The following VEPH1 variants were observed in gnomAD, a reference collection of about 807,000 sequenced individuals.
VEPH1 encodes the protein ventricular zone expressed PH domain containing 1.
Under a neutral mutation model 85.2 loss-of-function variants are expected in VEPH1, and 80 were observed. The observed-to-expected ratio is 0.94, with a 90% confidence interval of 0.78 to 1.13. The LOEUF (loss-of-function observed/expected upper bound fraction) is 1.13. VEPH1 is among the 50% of genes most tolerant of loss of function. VEPH1 has a pLI of 0.00. For missense variants in VEPH1, 955 were observed against 980.5 expected, an observed-to-expected ratio of 0.97 and a Z score of 0.35; for synonymous variants, 297 against 348.0, an observed-to-expected ratio of 0.85 and a Z score of 1.63.
chr3:157,396,862 A>G (rs1441615785), intron 6 of VEPH1, among the ~76,000 whole-genome samples: 3 of 152,076 alleles, frequency 2.0e-5, no homozygotes, highest in Non-Finnish European at 4.4e-5. Context: ...TCAGACGGAT[A>G]GATTGCAAAA....
Position 157,500,305 on chromosome 3 carries a change from G to A in VEPH1, c.-158+2972C>T, listed in dbSNP as rs557376411. Among the ~76,000 whole-genome samples the A allele has an allele frequency of 8.5e-5, 13 of 152,304 alleles. No individual in the cohort carries two copies. The East Asian group carries it at 2.5e-3, about 29-fold the overall frequency. ...CTCGACCCCTAAGTCGTCTGTTCCT[G>A]TGGTAGATCTATAGCTATATCAAAT... On this transcript the variant is annotated intron_variant, in intron 1 of 13. Transcript: ENST00000362010.
At chr3:157,284,020 A>G (rs376462483) in intron 12 of VEPH1, among the ~76,000 whole-genome samples, 2 of 152,182 alleles carry the variant, frequency 1.3e-5, no homozygotes, top group African/African-American at 4.8e-5. Context: ...CAGGCAGGTA[A>G]GTGGATCAAG....
Position 157,286,614 on chromosome 3 carries a change from T to G in VEPH1, c.2071A>C (p.Ser691Arg), listed in dbSNP as rs984551424. 6.2e-7 allele frequency: 1 copy of G among 1,614,044 alleles called. No homozygotes were observed. The highest frequency in any genetic ancestry group is 1.3e-5 in the African/African-American group (1 of 74,934). The change falls in exon 12 of 14, where the codon AGT (serine) becomes CGT (arginine). Residue 691 changes from serine (S) to arginine (R), a missense_variant. Ser to Arg is a moderately radical substitution (Grantham distance 110). Transcript: ENST00000362010. Reference sequence around the variant, plus strand: ...CATTGCCATGCTCCTGCTGTTTCACTGAAGCCAAACACGTCAAAGAACCTC... The same window carrying G: ...CATTGCCATGCTCCTGCTGTTTCACGGAAGCCAAACACGTCAAAGAACCTC... ...EVRFFDVFGF[S>R]ETAGAWQCFM...
intron 12 of VEPH1, among the ~76,000 whole-genome samples, chr3:157,273,257 A>C (rs1042452479): frequency 4.6e-5 from 7 of 152,264 alleles, no homozygotes; most frequent in African/African-American, 1.4e-4. Context: ...GTTACCATGC[A>C]CTAGGCACAT....
At chr3:157,286,283 T>C (rs1420987943) in intron 12 of VEPH1, 3 of 375,186 alleles carry the variant, frequency 8.0e-6, no homozygotes, top group Non-Finnish European at 1.5e-5. Context: ...GTCATCTGGA[T>C]GAAATGAATA....
intron 9 of VEPH1, among the ~76,000 whole-genome samples, chr3:157,327,217 A>G (rs1577348793): frequency 6.6e-6 from 1 of 152,146 alleles, no homozygotes; most frequent in Non-Finnish European, 1.5e-5. Context: ...GCTTTCCACC[A>G]CCACAAGGGA....
At chr3:157,353,063 C>T (rs1360156901) in intron 9 of VEPH1, among the ~76,000 whole-genome samples, 1 of 152,056 alleles carries the variant, frequency 6.6e-6, no homozygotes, top group Non-Finnish European at 1.5e-5. Context: ...TCAGAATTGC[C>T]CTGCAGCAGA....
chr3:157,262,296 TTC>T (rs1256158268), intron 13 of VEPH1, among the ~76,000 whole-genome samples: 1 of 152,184 alleles, frequency 6.6e-6, no homozygotes, highest in African/African-American at 2.4e-5. Context: ...GAGATACATT[TTC>T]AATAATATTT....
chr3:157,401,293 A>G (rs1482288374), intron 6 of VEPH1, among the ~76,000 whole-genome samples: 1 of 152,176 alleles, frequency 6.6e-6, no homozygotes, highest in African/African-American at 2.4e-5. Context: ...ACTTTTTGCC[A>G]GGAAAAAAGT....
chr3:157,483,123 T>TAC (rs60205276), intron 2 of VEPH1, among the ~76,000 whole-genome samples: 11,245 of 146,942 alleles, frequency 0.077, 625 homozygotes, highest in East Asian at 0.21. Context: ...TTTAAAAGCA[T>TAC]ACACACACAC....
At chr3:157,486,879 G>A (rs1438140271) in intron 2 of VEPH1, among the ~76,000 whole-genome samples, 1 of 152,044 alleles carries the variant, frequency 6.6e-6, no homozygotes, top group Non-Finnish European at 1.5e-5. Flanking sequence ...ACAACAAAAA[G>A]ATTATAAAAA....
intron 7 of VEPH1, among the ~76,000 whole-genome samples, chr3:157,376,118 C>A (rs1208598447): frequency 6.6e-6 from 1 of 152,070 alleles, no homozygotes; most frequent in Non-Finnish European, 1.5e-5. Context: ...CCATCATCAT[C>A]CTCTCTCCCT....
intron 11 of VEPH1, among the ~76,000 whole-genome samples, chr3:157,297,840 AT>A (rs1718322845): frequency 6.6e-6 from 1 of 152,210 alleles, no homozygotes; most frequent in Non-Finnish European, 1.5e-5. Context: ...AAAAAGGGAC[AT>A]TAGTGAAGAG....
At chr3:157,439,465 A>T (rs1236792114) in intron 4 of VEPH1, among the ~76,000 whole-genome samples, 4 of 152,212 alleles carry the variant, frequency 2.6e-5, no homozygotes, top group African/African-American at 9.7e-5. Context: ...TTTGATAATC[A>T]GAAAAACCTA....
At chr3:157,305,169 G>A (rs1276892474) in intron 11 of VEPH1, among the ~76,000 whole-genome samples, 4 of 143,534 alleles carry the variant, frequency 2.8e-5, no homozygotes, top group African/African-American at 1.0e-4. Context: ...GAGTGCAGTG[G>A]CGGGATCTCG....
chr3:157,399,449 T>A (rs1730656491), intron 6 of VEPH1, among the ~76,000 whole-genome samples: 1 of 152,194 alleles, frequency 6.6e-6, no homozygotes, highest in South Asian at 2.1e-4. Flanking sequence ...TATCTAGATA[T>A]CTATATCATT....
intron 7 of VEPH1, 123 bp from the exon 8 acceptor site, chr3:157,364,635 G>T: frequency 2.2e-6 from 2 of 904,098 alleles, no homozygotes; most frequent in Non-Finnish European, 3.3e-6. Context: ...TTTTTCATTG[G>T]TCATTTAACA....
chr3:157,432,008 C>T (rs1733200687), intron 4 of VEPH1, among the ~76,000 whole-genome samples: 1 of 151,864 alleles, frequency 6.6e-6, no homozygotes, highest in African/African-American at 2.4e-5. Context: ...CCAACACACC[C>T]AGCTAATTTT....
chr3:157,403,561 C>A (rs571913983), intron 6 of VEPH1, among the ~76,000 whole-genome samples: 10 of 152,214 alleles, frequency 6.6e-5, no homozygotes, highest in African/African-American at 2.4e-4. Flanking sequence ...TAAAAAAGCC[C>A]CTTTTTATAG....
Sources: allele counts gnomAD v4.1 joint callset (sites outside exome capture counted in the v4.1 genomes callset), GRCh38; gene constraint gnomAD v4.1.1; transcripts MANE v1.5; gene names NCBI Gene and HGNC (gene_info 2026-07-23, HGNC 2026-07-21).